The following CHN2 variants were observed in gnomAD, a reference collection of about 807,000 sequenced individuals.
CHN2 encodes chimerin 2.
A neutral mutation model predicts 56.3 loss-of-function variants in CHN2; 35 were observed. The observed-to-expected ratio is 0.62, with a 90% CI of 0.47 to 0.82. CHN2 has a LOEUF of 0.82. Ranked by LOEUF, CHN2 falls within the 40% of genes least tolerant of loss-of-function variation. The pLI is 0.00. For synonymous variants in CHN2, 210 were observed against 212.8 expected (o/e 0.99, Z 0.12); for missense variants, 491 against 580.5 (o/e 0.85, Z 1.58).
intron 2 of CHN2, among the ~76,000 whole-genome samples, chr7:29,366,570 G>A (rs1382090842): frequency 6.6e-6 from 1 of 152,156 alleles, no homozygotes; most frequent in Non-Finnish European, 1.5e-5. Context: ...GGATCTGAAG[G>A]CTCTTCCTCT....
intron 9 of CHN2, among the ~76,000 whole-genome samples, chr7:29,503,795 A>G (rs551246109): frequency 5.2e-4 from 79 of 152,358 alleles, no homozygotes; most frequent in African/African-American, 1.8e-3. Context: ...ATATGGCGGC[A>G]GCAGCAGAGG....
intron 1 of CHN2, among the ~76,000 whole-genome samples, chr7:29,281,383 C>A (rs530637704): frequency 6.6e-6 from 1 of 152,238 alleles, no homozygotes; most frequent in South Asian, 2.1e-4. Flanking sequence ...CTTAAGGAAC[C>A]CCTTATTTAG....
At chr7:29,209,509 T>C (rs1486106415) in intron 1 of CHN2, among the ~76,000 whole-genome samples, 2 of 152,196 alleles carry the variant, frequency 1.3e-5, no homozygotes, top group African/African-American at 4.8e-5. Flanking sequence ...AGCACTTTGT[T>C]TTATGGTTAT....
chr7:29,174,962 A>G (rs1797095540), intron 2 of CHN2, among the ~76,000 whole-genome samples: 1 of 152,118 alleles, frequency 6.6e-6, no homozygotes, highest in South Asian at 2.1e-4. Flanking sequence ...AAATATAAAA[A>G]TTGTATTCAT....
intron 1 of CHN2, chr7:29,335,662 AAGG>A (rs1796555536): frequency 6.6e-6 from 1 of 152,228 alleles, no homozygotes; most frequent in Non-Finnish European, 1.5e-5. Context: ...CCTGGCGAGG[AAGG>A]AGACTTACAA....
chr7:29,508,275 G>A (rs1435206079), intron 11 of CHN2, among the ~76,000 whole-genome samples: 2 of 151,838 alleles, frequency 1.3e-5, no homozygotes, highest in Non-Finnish European at 1.5e-5. Context: ...TGAAAAGGGG[G>A]CAGGTCTGGG....
chr7:29,245,734 T>G (rs1370482553), intron 1 of CHN2, among the ~76,000 whole-genome samples: 1 of 152,188 alleles, frequency 6.6e-6, no homozygotes, highest in Non-Finnish European at 1.5e-5. Context: ...GCCTCCCTGG[T>G]GGGGACTGTA....
At chr7:29,411,393 G>A (rs1298652186) in intron 6 of CHN2, among the ~76,000 whole-genome samples, 1 of 152,126 alleles carries the variant, frequency 6.6e-6, no homozygotes, top group Non-Finnish European at 1.5e-5. Flanking sequence ...TACCATCTTT[G>A]TGTCTATTTC....
intron 1 of CHN2, among the ~76,000 whole-genome samples, chr7:29,305,362 C>T (rs1014313661): frequency 6.6e-6 from 1 of 152,096 alleles, no homozygotes; most frequent in Non-Finnish European, 1.5e-5. Flanking sequence ...AGAAAACATC[C>T]CTTTACCTGC....
intron 1 of CHN2, among the ~76,000 whole-genome samples, chr7:29,327,733 A>G (rs1328585544): frequency 1.3e-5 from 2 of 152,208 alleles, no homozygotes; most frequent in Admixed American, 1.3e-4. Flanking sequence ...CGCCGTATAA[A>G]TGCTATAGGA....
chr7:29,399,754 T>C (rs780501303), intron 5 of CHN2, among the ~76,000 whole-genome samples: 2 of 152,228 alleles, frequency 1.3e-5, no homozygotes, highest in African/African-American at 2.4e-5. Context: ...GCAACATGTC[T>C]ACAGCATATC....
At chr7:29,179,421 C>T (rs1048265123) in intron 2 of CHN2, among the ~76,000 whole-genome samples, 6 of 152,242 alleles carry the variant, frequency 3.9e-5, no homozygotes, top group African/African-American at 1.4e-4. Flanking sequence ...TGCACAGAAA[C>T]TCAGGCTGAA....
At chr7:29,403,690 A>G (rs1424749349) in intron 6 of CHN2, among the ~76,000 whole-genome samples, 3 of 151,826 alleles carry the variant, frequency 2.0e-5, no homozygotes, top group African/African-American at 7.3e-5. Flanking sequence ...AAAAGTTGTG[A>G]TGGTTAGCCA....
At chr7:29,290,042 G>C (rs1231778072) in intron 1 of CHN2, among the ~76,000 whole-genome samples, 1 of 152,214 alleles carries the variant, frequency 6.6e-6, no homozygotes, top group African/African-American at 2.4e-5. Flanking sequence ...GAAGTTCAAG[G>C]TATTAGAATT....
chr7:29,263,585 G>C (rs1202031083), intron 1 of CHN2, among the ~76,000 whole-genome samples: 2 of 151,970 alleles, frequency 1.3e-5, no homozygotes, highest in African/African-American at 4.8e-5. Context: ...GAAGTGAGGA[G>C]CGTCTCTGCC....
At chr7:29,316,193 C>A (rs561448515) in intron 1 of CHN2, among the ~76,000 whole-genome samples, 126 of 152,286 alleles carry the variant, frequency 8.3e-4, no homozygotes, top group African/African-American at 2.9e-3. Context: ...CAGGATCTTG[C>A]AGTTCAGCAC....
At chr7:29,175,068 T>C (rs537385048) in intron 2 of CHN2, among the ~76,000 whole-genome samples, 1 of 152,264 alleles carries the variant, frequency 6.6e-6, no homozygotes, top group South Asian at 2.1e-4. Flanking sequence ...TTCCCATATG[T>C]TGTGGCAGGG....
At chr7:29,240,747 G>T (rs897647616) in intron 1 of CHN2, among the ~76,000 whole-genome samples, 15 of 137,300 alleles carry the variant, frequency 1.1e-4, no homozygotes, top group African/African-American at 5.0e-4. Flanking sequence ...GTCAAACAAG[G>T]TGTGGTGTTG....
chr7:29,294,328 G>A (rs189770843), intron 1 of CHN2, among the ~76,000 whole-genome samples: 1 of 152,128 alleles, frequency 6.6e-6, no homozygotes, highest in Non-Finnish European at 1.5e-5. Flanking sequence ...GGGAGTCTTT[G>A]TACAGGGATT....
Sources: allele counts gnomAD v4.1 joint callset (sites outside exome capture counted in the v4.1 genomes callset), GRCh38; gene constraint gnomAD v4.1.1; transcripts MANE v1.5; gene names NCBI Gene and HGNC (gene_info 2026-07-23, HGNC 2026-07-21).